The following EXD3 variants were observed in gnomAD, a reference collection of about 807,000 sequenced individuals.
The protein encoded by EXD3 is exonuclease mut-7 homolog.
EXD3 carries 92 observed loss-of-function variants against 98.0 expected under a neutral mutation model. The ratio of observed to expected loss-of-function variants is 0.94; its 90% CI spans 0.79 to 1.12. The LOEUF is 1.12. Ranked by LOEUF, EXD3 falls within the 50% of genes most tolerant of loss-of-function variation. The pLI is 0.00. For missense variants in EXD3, 1,222 were observed against 1,191.6 expected (o/e 1.03, Z -0.38); for synonymous variants, 569 against 526.0 (o/e 1.08, Z -1.12).
chr9:137,395,088 G>A lies in EXD3; in HGVS notation c.55+215C>T, dbSNP rs925529627. ...CACCCACGCTGGGGCCCAAGGAGGC[G>A]GCCTGTCCTGACCCCCGAGGACAAC... On this transcript the variant is annotated intron_variant, in intron 2 of 21. Transcript: ENST00000340951. This position sits in a 1 kb window ranked among gnomAD's most constrained non-coding sequence, Gnocchi z 6.5. 6.6e-6 allele frequency among the ~76,000 whole-genome samples: 1 copy of A among 152,072 alleles called. No individual in the cohort carries two copies. Among genetic ancestry groups the A allele is most frequent in the East Asian group, 1.9e-4 (1 of 5,164 alleles).
rs563761495 is a variant in EXD3 at position 137,346,238 on chromosome 9, CAAAAAA to C, written c.1998+1827_1998+1832del. Among the ~76,000 whole-genome samples the C allele has an allele frequency of 4.4e-3, 60 of 13,606 alleles. No individual in the cohort carries two copies. The East Asian group carries it at 0.065, about 15-fold the overall frequency. The allele number at this position is 13,606 out of a possible 152,430, so 8.9% of individuals were successfully genotyped here. On this transcript the variant is annotated intron_variant, in intron 17 of 21. Transcript: ENST00000340951. ...TGGGAGACAGAGCAAGACTCCGTCT[CAAAAAA>C]AAAAAAAAAAAAAAAAAAAAAAATT...
In EXD3 at chr9:137,407,426, C is replaced by A. The variant is rs1384886495; in HGVS notation, c.-47-12022G>T. Among the ~76,000 whole-genome samples, 2 of 152,244 alleles carry A rather than the reference C, an allele frequency of 1.3e-5. No individual in the cohort carries two copies. Among genetic ancestry groups the A allele is most frequent in the African/African-American group, 4.8e-5 (2 of 41,468 alleles). On this transcript the variant is annotated intron_variant, in intron 1 of 21. Transcript: ENST00000340951. The surrounding 1 kb of genome is among the most constrained non-coding windows in gnomAD (Gnocchi z 4.4). ...CCCAAGGGGCCATCTGCCCCCGGCT[C>A]ACCGCAGGCCCTTTCCTGGGGGCCT...
chr9:137,312,713 G>C (rs1261576725), intron 19 of EXD3, among the ~76,000 whole-genome samples: 1 of 152,172 alleles, frequency 6.6e-6, no homozygotes, highest in African/African-American at 2.4e-5. Flanking sequence ...GGTGGGGTGA[G>C]CAGCTAGGAG....
chr9:137,390,098 G>A (rs1230375761), intron 2 of EXD3, among the ~76,000 whole-genome samples: 1 of 121,970 alleles, frequency 8.2e-6, no homozygotes, highest in East Asian at 2.3e-4. Context: ...CTCCGGCCTG[G>A]GTGACAGAGC....
chr9:137,320,947 C>T (rs1360839984), intron 19 of EXD3, among the ~76,000 whole-genome samples: 1 of 152,220 alleles, frequency 6.6e-6, no homozygotes, highest in Admixed American at 6.5e-5. Context: ...GGACGCGGTT[C>T]CTGCCGCCCC....
chr9:137,418,254 A>G (rs1166032446), intron 1 of EXD3, among the ~76,000 whole-genome samples: 2 of 152,236 alleles, frequency 1.3e-5, no homozygotes, highest in African/African-American at 2.4e-5. Flanking sequence ...AGGCTGAGGC[A>G]GGAGAATCGC....
chr9:137,399,941 G>A (rs1005912112), intron 1 of EXD3, among the ~76,000 whole-genome samples: 6 of 149,344 alleles, frequency 4.0e-5, no homozygotes, highest in Non-Finnish European at 5.9e-5. Flanking sequence ...GGAGAAAGGC[G>A]AATCACTTGA....
intron 1 of EXD3, among the ~76,000 whole-genome samples, chr9:137,406,431 G>A (rs1191276444): frequency 6.6e-6 from 1 of 152,088 alleles, no homozygotes; most frequent in African/African-American, 2.4e-5. Flanking sequence ...GGTGAGCCTC[G>A]TGACACCCCC....
At chr9:137,398,724 CAA>C in intron 1 of EXD3, among the ~76,000 whole-genome samples, 1 of 121,476 alleles carries the variant, frequency 8.2e-6, no homozygotes, top group Non-Finnish European at 2.0e-5. Flanking sequence ...CCCGCATCCC[CAA>C]GACACACAGG....
intron 17 of EXD3, among the ~76,000 whole-genome samples, chr9:137,330,355 C>T: frequency 7.1e-6 from 1 of 141,380 alleles, no homozygotes; most frequent in Middle Eastern, 4.8e-3. Context: ...CACAGGACTA[C>T]ACAGGAGCTA....
At chr9:137,374,157 T>C (rs564780467) in intron 3 of EXD3, among the ~76,000 whole-genome samples, 2 of 152,312 alleles carry the variant, frequency 1.3e-5, no homozygotes, top group South Asian at 4.1e-4. Flanking sequence ...AGCGGCGCCG[T>C]CCTCTGTGGA....
chr9:137,331,981 A>G (rs1833087513), intron 17 of EXD3, among the ~76,000 whole-genome samples: 1 of 152,116 alleles, frequency 6.6e-6, no homozygotes, highest in African/African-American at 2.4e-5. Flanking sequence ...ATATCTGCGC[A>G]ACGACAACAC....
rs1282946915 is a variant in EXD3 at position 137,360,460 on chromosome 9, CTTCT to C, written c.657-4096_657-4093del. On this transcript the variant is annotated intron_variant, in intron 7 of 21. Coordinates refer to ENST00000340951, the MANE Select transcript of EXD3 (RefSeq NM_017820.5). The stretch of plus-strand genomic sequence containing the variant: ...TCTTTCATCCTTCCTTCCTTTTCTT[CTTCT>C]TTTTTTTTTTTTTTGAGATGGAGTC... Among the ~76,000 whole-genome samples, 3 of 35,630 alleles carry C rather than the reference CTTCT, an allele frequency of 8.4e-5. 1 individual carries two copies. 23.4% of individuals were successfully genotyped at this position (35,630 alleles called of 152,430 possible). A position where few individuals can be genotyped will look rare whatever the true frequency, so the allele number is the denominator to read the frequency against.
intron 5 of EXD3, among the ~76,000 whole-genome samples, chr9:137,369,400 C>T (rs897924826): frequency 2.6e-5 from 4 of 152,164 alleles, no homozygotes; most frequent in Admixed American, 6.5e-5. Context: ...CACCTCACCC[C>T]GTTCAGAACC....
chr9:137,387,823 C>T (rs1320328374), intron 2 of EXD3, among the ~76,000 whole-genome samples: 1 of 152,220 alleles, frequency 6.6e-6, no homozygotes, highest in Non-Finnish European at 1.5e-5. Context: ...TGGTCCCCAG[C>T]GTGGATGTTT....
At position 137,356,364 on chromosome 9, in the gene EXD3, ACCGT is replaced by A; in HGVS notation, c.657_660del (p.Arg219SerfsTer5). The A allele has an allele frequency of 2.5e-6, 4 of 1,595,020 alleles. No homozygotes were observed. Among genetic ancestry groups the A allele is most frequent in the Non-Finnish European group, 3.4e-6 (4 of 1,169,538 alleles). ...AGGCTCAAGGAGGTCACCTCAGGGT[ACCGT>A]CTGTGGGGAGAGAGAGGCACAGCCT... On this transcript the variant is annotated frameshift_variant and splice_region_variant, in exon 8 of 22. Coordinates refer to ENST00000340951, the MANE Select transcript of EXD3 (RefSeq NM_017820.5). LOFTEE classifies it high-confidence loss of function.
intron 1 of EXD3, among the ~76,000 whole-genome samples, chr9:137,410,292 C>G (rs1054190053): frequency 6.6e-6 from 1 of 152,034 alleles, no homozygotes; most frequent in Admixed American, 6.6e-5. Flanking sequence ...CAAAACCAGC[C>G]TGGCCAACAT....
intron 19 of EXD3, among the ~76,000 whole-genome samples, chr9:137,316,292 ACGGCCGCCCGCCCGCGGCCTTCGCG>A (rs1263430322): frequency 6.6e-6 from 1 of 151,696 alleles, no homozygotes. Context: ...TCAAAAGCTA[ACGGCCGCCCGCCCGCGGCCTTCGCG>A]CGCCGGCCTG....
At chr9:137,314,262 G>A (rs541584465) in intron 19 of EXD3, among the ~76,000 whole-genome samples, 1 of 152,262 alleles carries the variant, frequency 6.6e-6, no homozygotes, top group South Asian at 2.1e-4. Flanking sequence ...TGGGCTGCCC[G>A]CCCCAAAGGT....
Sources: allele counts gnomAD v4.1 joint callset (sites outside exome capture counted in the v4.1 genomes callset), GRCh38; gene constraint gnomAD v4.1.1; non-coding constraint Gnocchi (gnomAD v3.1); transcripts MANE v1.5; gene names NCBI Gene and HGNC (gene_info 2026-07-23, HGNC 2026-07-21).